SMPD1: variants seen among roughly 807,000 people sequenced by gnomAD.
SMPD1 encodes the protein sphingomyelin phosphodiesterase.
Under a neutral mutation model 49.7 loss-of-function variants are expected in SMPD1, and 47 were observed. That is an observed-to-expected ratio of 0.95 (90% CI 0.75 to 1.21). SMPD1 has a LOEUF of 1.21. Among genes scored for constraint, SMPD1 ranks in the 50% most tolerant of loss-of-function variants. The probability of loss-of-function intolerance (pLI) is 0.00; values close to 1 mark genes in which losing one functional copy is unlikely to be tolerated. For synonymous variants in SMPD1, 336 were observed against 339.6 expected, an observed-to-expected ratio of 0.99 and a Z score of 0.12; for missense variants, 811 against 822.2, an observed-to-expected ratio of 0.99 and a Z score of 0.17.
At position 6,390,544 on chromosome 11, in the gene SMPD1, G is replaced by T; in HGVS notation, c.-55G>T. On this transcript the variant is annotated 5_prime_UTR_variant, in exon 1 of 6. Transcript: ENST00000342245. ...CCCGGGGCCCTGAGGGCTGGCTAGG[G>T]TCCAGGCCGGGGGGGACGGGACAGA... is the stretch of plus-strand genomic sequence containing the variant. 1 of 1,586,718 alleles carries T rather than the reference G, an allele frequency of 6.3e-7. No homozygotes were observed. Among genetic ancestry groups the T allele is most frequent in the Non-Finnish European group, 8.6e-7 (1 of 1,168,170 alleles).
In SMPD1 at chr11:6,393,256, C is replaced by A. The variant is rs369088417; in HGVS notation, c.1132C>A (p.Arg378Ser). 8.1e-6 allele frequency: 13 copies of A among 1,613,822 alleles called. No homozygotes were observed. The highest frequency in any genetic ancestry group is 1.1e-5 in the Non-Finnish European group (13 of 1,179,868). ...TGCTCTTTCCCCATACCCCGGTCTC[C>A]GCCTCATCTCTCTCAATATGAATTT... The part of the protein sequence containing the change: ...FYALSPYPGL[R>S]LISLNMNFCS... The change falls in exon 3 of 6, where the codon CGC becomes AGC. Residue 378 changes from arginine to serine, a missense_variant. Arg to Ser is a moderately radical substitution (Grantham distance 110, BLOSUM62 -1). Coordinates refer to ENST00000342245, the MANE Select transcript of SMPD1 (RefSeq NM_000543.5).
At chr11:6,392,643 C>T (rs959928705) in intron 2 of SMPD1, among the ~76,000 whole-genome samples, 5 of 151,528 alleles carry the variant, frequency 3.3e-5, no homozygotes, top group East Asian at 1.9e-4. Context: ...TACAGGTGCA[C>T]GCCACCACAC....
chr11:6,391,312 G>A (rs556858558), intron 1 of SMPD1, 72 bp from the exon 2 acceptor site: 1 of 1,497,580 alleles, frequency 6.7e-7, no homozygotes, highest in East Asian at 2.3e-5. Flanking sequence ...GGCCCAAGGG[G>A]TGGTGGCCAG....
At position 6,390,481 on chromosome 11, in the gene SMPD1, C is replaced by T. The variant is rs750731731; in HGVS notation, c.-118C>T. 1.3e-6 allele frequency: 2 copies of T among 1,521,124 alleles called. No individual in the cohort carries two copies. The highest frequency in any genetic ancestry group is 1.8e-6 in the Non-Finnish European group (2 of 1,134,172). The allele number at this position is 1,521,124 out of a possible 1,614,324, so 94.2% of individuals were successfully genotyped here. On this transcript the variant is annotated 5_prime_UTR_variant, in exon 1 of 6. Coordinates refer to ENST00000342245, the MANE Select transcript of SMPD1 (RefSeq NM_000543.5). ...TGCGGCCGGCCGCGGAGCAGTCAGCCGACTACAGAGAAGGGTAATCGGGTG... is the reference window on the plus strand; with the variant it reads ...TGCGGCCGGCCGCGGAGCAGTCAGCTGACTACAGAGAAGGGTAATCGGGTG...
chr11:6,392,328 G>GA, intron 2 of SMPD1, 172 bp downstream of exon 2: 1 of 548,474 alleles, frequency 1.8e-6, no homozygotes, highest in Non-Finnish European at 3.1e-6. Context: ...GCCGCACCAG[G>GA]CTTTTTTTTT....
At position 6,393,334 on chromosome 11, in the gene SMPD1, C is replaced by G; in HGVS notation, c.1210C>G (p.Gln404Glu). Residue 404 changes from glutamine (Q) to glutamate (E), a missense_variant, in exon 3 of 6, where the codon CAG (glutamine) becomes GAG (glutamate). Transcript: ENST00000342245. ...GATCAACTCCACGGATCCCGCAGGA[C>G]AGCTCCAGTGGCTGGTGGGGGAGCT... ...LLINSTDPAG[Q>E]LQWLVGELQA... 5 of 1,614,050 alleles carry G rather than the reference C, an allele frequency of 3.1e-6. No homozygotes were observed. Among genetic ancestry groups the G allele is most frequent in the Non-Finnish European group, 4.2e-6 (5 of 1,179,892 alleles).
intron 2 of SMPD1, among the ~76,000 whole-genome samples, 195 bp downstream of exon 2, chr11:6,392,351 AGTTT>A (rs1847966962): frequency 1.2e-4 from 5 of 42,814 alleles, no homozygotes; most frequent in African/African-American, 5.1e-4. Flanking sequence ...TTTTTTTTTT[AGTTT>A]AGTTTTTGTA....
At chr11:6,394,134 G>A (rs1211004688) in intron 5 of SMPD1, 64 bp from the exon 6 acceptor site, 2 of 1,613,108 alleles carry the variant, frequency 1.2e-6, no homozygotes, top group Admixed American at 1.7e-5. Context: ...TGGGCAGGAT[G>A]TGTGGCCCCT....
Position 6,391,964 on chromosome 11 carries a change from C to G in SMPD1, c.899C>G (p.Thr300Ser). 1 of 1,614,204 alleles carries G rather than the reference C, an allele frequency of 6.2e-7. No homozygotes were observed. The highest frequency in any genetic ancestry group is 8.5e-7 in the Non-Finnish European group (1 of 1,180,022). The stretch of plus-strand genomic sequence containing the variant: ...CAGGACCAACTGCGGGCCCTGACCA[C>G]CGTCACAGCACTTGTGAGGAAGTTC... ...TRQDQLRALTTVTALVRKFLG... is the reference protein window; with the variant it reads ...TRQDQLRALTSVTALVRKFLG... Residue 300 changes from threonine (T) to serine (S), a missense_variant, in exon 2 of 6, where the codon ACC (threonine) becomes AGC (serine). Transcript: ENST00000342245.
rs769400504 is a variant in SMPD1 at position 6,393,688 on chromosome 11, A to G, written c.1335A>G (p.Val445=). The change falls in exon 4 of 6, where the codon GTA becomes GTG. Residue 445 remains valine (V), a synonymous_variant. Coordinates refer to ENST00000342245, the MANE Select transcript of SMPD1 (RefSeq NM_000543.5). ...KSWSWNYYRI[V]ARYENTLAAQ... ...GGAGCTGGAATTATTACCGAATTGT[A>G]GCCAGGTAGGACGGAGATGAGGGTG... 5.6e-6 allele frequency: 9 copies of G among 1,613,636 alleles called. No homozygotes were observed. In the African/African-American group the frequency reaches 1.2e-4, roughly 22 times the overall value.
chr11:6,393,949 T>C lies in SMPD1; in HGVS notation c.1394T>C (p.Phe465Ser), dbSNP rs1319643225. ...QFFGHTHVDE[F>S]EVFYDEETLS... ...TTTGGCCACACTCATGTGGATGAAT[T>C]TGAGGTCTTCTATGATGAAGAGACT... Residue 465 changes from phenylalanine to serine, a missense_variant, in exon 5 of 6, where the codon TTT becomes TCT. Phe to Ser is a radical substitution (Grantham distance 155). Coordinates refer to ENST00000342245, the MANE Select transcript of SMPD1 (RefSeq NM_000543.5). 3 of 1,614,226 alleles carry C rather than the reference T, an allele frequency of 1.9e-6. No homozygotes were observed. Among genetic ancestry groups the C allele is most frequent in the Non-Finnish European group, 2.5e-6 (3 of 1,180,042 alleles).
At chr11:6,393,566 C>T in intron 3 of SMPD1, 51 bp from the exon 4 acceptor site, 1 of 1,477,994 alleles carries the variant, frequency 6.8e-7, no homozygotes, top group Admixed American at 1.7e-5. Context: ...CTAGCCAGGG[C>T]TGCCTGGACC....
intron 1 of SMPD1, 96 bp downstream of exon 1, chr11:6,391,012 C>G: frequency 2.0e-6 from 3 of 1,468,200 alleles, no homozygotes; most frequent in Non-Finnish European, 2.8e-6. Flanking sequence ...GAATGCATCC[C>G]TGATGGAGAG....
At chr11:6,393,737 T>G in intron 4 of SMPD1, 44 bp downstream of exon 4, 1 of 1,579,086 alleles carries the variant, frequency 6.3e-7, no homozygotes, top group South Asian at 1.1e-5. Context: ...GGTGAGTGTC[T>G]GAAGGCTGAA....
rs1483104136 is a variant in SMPD1 at position 6,390,935 on chromosome 11, G to C, written c.318+19G>C. Reference sequence around the variant, plus strand: ...GCTGAAGGTGAGCACTGAAGGGGCTGCAGTGGAGGAGGCCGAAAGGAGTGC... The same window carrying C: ...GCTGAAGGTGAGCACTGAAGGGGCTCCAGTGGAGGAGGCCGAAAGGAGTGC... On this transcript the variant is annotated intron_variant, in intron 1 of 5. Transcript: ENST00000342245. 1 of 1,613,534 alleles carries C rather than the reference G, an allele frequency of 6.2e-7. No individual in the cohort carries two copies.
rs1848025000 is a variant in SMPD1 at position 6,393,370 on chromosome 11, G to A, written c.1246G>A (p.Glu416Lys). 6.2e-7 allele frequency: 1 copy of A among 1,613,242 alleles called. No homozygotes were observed. Among genetic ancestry groups the A allele is most frequent in the Non-Finnish European group, 8.5e-7 (1 of 1,179,358 alleles). Reference protein sequence around the residue: ...QWLVGELQAAEDRGDKVHIIG... With the variant: ...QWLVGELQAAKDRGDKVHIIG... Reference sequence around the variant, plus strand: ...GCTGGTGGGGGAGCTTCAGGCTGCTGAGGATCGAGGAGACAAAGTGAGGGC... The same window carrying A: ...GCTGGTGGGGGAGCTTCAGGCTGCTAAGGATCGAGGAGACAAAGTGAGGGC... The change falls in exon 3 of 6, where the codon GAG becomes AAG. Residue 416 changes from glutamate to lysine, a missense_variant. Transcript: ENST00000342245.
At position 6,394,506 on chromosome 11, in the gene SMPD1, C is replaced by A. The variant is rs138531908; in HGVS notation, c.1795C>A (p.Leu599Ile). 87 of 1,613,008 alleles carry A rather than the reference C, an allele frequency of 5.4e-5. No individual in the cohort carries two copies. The highest frequency in any genetic ancestry group is 6.9e-5 in the Non-Finnish European group (82 of 1,180,036). The change falls in exon 6 of 6, where the codon CTC becomes ATC. Residue 599 changes from leucine (L) to isoleucine (I), a missense_variant. Physicochemically the swap from Leu to Ile is conservative, Grantham distance 5. Transcript: ENST00000342245. Reference protein sequence around the residue: ...PCRLATLCAQLSARADSPALC... With the variant: ...PCRLATLCAQISARADSPALC... ...CCGTCTGGCTACTCTTTGTGCCCAG[C>A]TCTCTGCCCGTGCTGACAGCCCTGC...
rs773406166 is a variant in SMPD1, at chr11:6,390,798, A to C, written c.200A>C (p.Gln67Pro). 6.2e-7 allele frequency: 1 copy of C among 1,614,012 alleles called. No individual in the cohort carries two copies. Among genetic ancestry groups the C allele is most frequent in the South Asian group, 1.1e-5 (1 of 91,078 alleles). ...APAEAHPLSP[Q>P]GHPARLHRIV... The stretch of plus-strand genomic sequence containing the variant: ...GCAGAGGCTCACCCTCTTTCTCCCC[A>C]AGGCCATCCTGCCAGGTTACATCGC... The change falls in exon 1 of 6, where the codon CAA (glutamine) becomes CCA (proline). Residue 67 changes from glutamine (Q) to proline (P), a missense_variant. By Grantham distance (76) the Gln-to-Pro change is moderately conservative. Coordinates refer to ENST00000342245, the MANE Select transcript of SMPD1 (RefSeq NM_000543.5).
chr11:6,394,001 C>T lies in SMPD1; in HGVS notation c.1446C>T (p.Phe482=). ...TGAGCCGGCCGCTGGCTGTAGCCTT[C>T]CTGGCACCCAGTGCAACTACCTACA... ...ETLSRPLAVA[F]LAPSATTYIG... is the part of the protein sequence containing the mutation. The change falls in exon 5 of 6, where the codon TTC becomes TTT. Residue 482 remains phenylalanine (F), a synonymous_variant. Coordinates refer to ENST00000342245, the MANE Select transcript of SMPD1 (RefSeq NM_000543.5). 1 of 1,614,202 alleles carries T rather than the reference C, an allele frequency of 6.2e-7. No homozygotes were observed. The highest frequency in any genetic ancestry group is 8.5e-7 in the Non-Finnish European group (1 of 1,180,042).
Sources: gnomAD v4.1 joint callset for allele counts (sites outside exome capture counted in the v4.1 genomes callset) on GRCh38, gnomAD v4.1.1 for gene constraint, MANE v1.5 for transcripts, NCBI Gene and HGNC (gene_info 2026-07-23, HGNC 2026-07-21) for gene names.